CNBD1: variants seen among roughly 807,000 people sequenced by gnomAD.
CNBD1 encodes cyclic nucleotide binding domain containing 1, also known as cyclic nucleotide-binding domain-containing protein 1.
In CNBD1, 71 loss-of-function variants were observed where a neutral mutation model predicts 54.4. The ratio of observed to expected loss-of-function variants is 1.30; its 90% confidence interval spans 1.08 to 1.59. CNBD1 has a LOEUF of 1.59. Ranked by LOEUF, CNBD1 falls within the 40% of genes most tolerant of loss-of-function variation. The probability of loss-of-function intolerance (pLI) is 0.00; values close to 1 mark genes in which losing one functional copy is unlikely to be tolerated. For missense variants in CNBD1, 659 were observed against 518.0 expected (o/e 1.27, Z -2.64); for synonymous variants, 182 against 170.7 (o/e 1.07, Z -0.51).
chr8:86,979,266 A>G (rs886185934), intron 4 of CNBD1, among the ~76,000 whole-genome samples: 4 of 151,930 alleles, frequency 2.6e-5, no homozygotes, highest in Non-Finnish European at 4.4e-5. Flanking sequence ...AATAAAGACT[A>G]TAATAAATAA....
intron 4 of CNBD1, among the ~76,000 whole-genome samples, chr8:86,996,634 C>T (rs1808875538): frequency 6.6e-6 from 1 of 152,102 alleles, no homozygotes; most frequent in African/African-American, 2.4e-5. Flanking sequence ...AGTGTTCTGT[C>T]TTAAATAGTG....
chr8:87,130,461 A>AT (rs1178978706), intron 4 of CNBD1, among the ~76,000 whole-genome samples: 2 of 151,780 alleles, frequency 1.3e-5, no homozygotes, highest in African/African-American at 2.4e-5. Flanking sequence ...GTCCTTTCTC[A>AT]TTTTTTCTGG....
chr8:87,088,015 A>C (rs1811136390), intron 4 of CNBD1, among the ~76,000 whole-genome samples: 1 of 152,222 alleles, frequency 6.6e-6, no homozygotes, highest in Non-Finnish European at 1.5e-5. Flanking sequence ...GCTTATATGC[A>C]CATAAAGTCA....
chr8:87,383,275 T>C (rs78565709), downstream of CNBD1, among the ~76,000 whole-genome samples: 2,867 of 152,186 alleles, frequency 0.019, 91 homozygotes, highest in African/African-American at 0.062. Context: ...TGCTTCATAT[T>C]GTAGTATAGT....
intron 6 of CNBD1, among the ~76,000 whole-genome samples, chr8:87,237,582 A>T (rs552423647): frequency 6.6e-6 from 1 of 152,158 alleles, no homozygotes; most frequent in Non-Finnish European, 1.5e-5. Flanking sequence ...AATCTTTTGC[A>T]TCTATATAAT....
chr8:87,316,379 G>A (rs1809386600), intron 8 of CNBD1, among the ~76,000 whole-genome samples: 1 of 151,952 alleles, frequency 6.6e-6, no homozygotes, highest in South Asian at 2.1e-4. Flanking sequence ...TTATCACACT[G>A]GCAAATTTTT....
At position 86,994,748 on chromosome 8, in the gene CNBD1, G is replaced by A. The variant is rs151160270; in HGVS notation, c.431+54994G>A. ...GCCTCAATGTGTGTGTCGCTTCTCC[G>A]TCAACTCTCGGTGTTTTCTGTCTGA... On this transcript the variant is annotated intron_variant, in intron 4 of 10. Transcript: ENST00000518476. Among the ~76,000 whole-genome samples, 18 of 151,918 alleles carry A rather than the reference G, an allele frequency of 1.2e-4. 1 individual carries two copies. Among genetic ancestry groups the A allele is most frequent in the Admixed American group, 7.2e-4 (11 of 15,254 alleles).
intron 5 of CNBD1, among the ~76,000 whole-genome samples, chr8:87,217,236 T>C (rs1337208361): frequency 6.6e-6 from 1 of 152,140 alleles, no homozygotes; most frequent in Non-Finnish European, 1.5e-5. Context: ...ACATTATAAA[T>C]AGACCAAAAG....
chr8:87,302,097 C>T (rs1263564413), intron 8 of CNBD1, among the ~76,000 whole-genome samples: 1 of 152,070 alleles, frequency 6.6e-6, no homozygotes, highest in African/African-American at 2.4e-5. Context: ...GAAACTATTC[C>T]AATCAATAGA....
At chr8:87,426,185 G>A (rs867525749) in intron 2 of CNBD1, among the ~76,000 whole-genome samples, 6 of 152,250 alleles carry the variant, frequency 3.9e-5, no homozygotes, top group East Asian at 1.9e-4. Flanking sequence ...GCTGGCGCAC[G>A]GTGCGCGCAC....
intron 4 of CNBD1, among the ~76,000 whole-genome samples, chr8:86,970,043 A>T (rs372175890): frequency 6.6e-6 from 1 of 151,328 alleles, no homozygotes; most frequent in Non-Finnish European, 1.5e-5. Context: ...TTTTCTTTTC[A>T]TTCTTGAATG....
chr8:87,313,322 T>C (rs1809308644), intron 8 of CNBD1, among the ~76,000 whole-genome samples: 3 of 152,014 alleles, frequency 2.0e-5, no homozygotes, highest in African/African-American at 7.2e-5. Context: ...GGAGTTACTA[T>C]CCAAGAAGAA....
intron 10 of CNBD1, among the ~76,000 whole-genome samples, chr8:87,380,006 A>T (rs1811041718): frequency 6.7e-6 from 1 of 149,922 alleles, no homozygotes; most frequent in African/African-American, 2.5e-5. Context: ...GACATCATCC[A>T]CTGGTGCCAC....
At chr8:87,307,345 G>A (rs1012298570) in intron 8 of CNBD1, among the ~76,000 whole-genome samples, 1 of 152,194 alleles carries the variant, frequency 6.6e-6, no homozygotes, top group Non-Finnish European at 1.5e-5. Flanking sequence ...GTATTTAATG[G>A]GACATAGGCA....
At chr8:87,229,274 C>T (rs975975371) in intron 5 of CNBD1, among the ~76,000 whole-genome samples, 11 of 152,108 alleles carry the variant, frequency 7.2e-5, no homozygotes, top group Admixed American at 2.0e-4. Context: ...TGGCTCCTCC[C>T]CCCGATTTTT....
intron 2 of CNBD1, among the ~76,000 whole-genome samples, chr8:87,389,627 C>G (rs574073337): frequency 1.1e-4 from 17 of 152,116 alleles, no homozygotes; most frequent in Non-Finnish European, 2.4e-4. Context: ...GAAGAACATT[C>G]CATGCCCATG....
At chr8:87,020,788 A>G (rs977749487) in intron 4 of CNBD1, among the ~76,000 whole-genome samples, 10 of 152,144 alleles carry the variant, frequency 6.6e-5, no homozygotes, top group African/African-American at 2.2e-4. Flanking sequence ...CCTTTGTTTT[A>G]TTTCCTTCCT....
At chr8:87,337,821 C>T (rs1809979503) in intron 8 of CNBD1, among the ~76,000 whole-genome samples, 1 of 152,156 alleles carries the variant, frequency 6.6e-6, no homozygotes, top group Non-Finnish European at 1.5e-5. Flanking sequence ...ATGACAGAAC[C>T]TGAATACCTC....
chr8:86,872,671 T>A (rs1270489238), intron 1 of CNBD1, among the ~76,000 whole-genome samples: 1 of 152,224 alleles, frequency 6.6e-6, no homozygotes, highest in Admixed American at 6.5e-5. Context: ...TGTATTTCCC[T>A]GATGATTAGA....
Sources: allele counts gnomAD v4.1 joint callset (sites outside exome capture counted in the v4.1 genomes callset), GRCh38; gene constraint gnomAD v4.1.1; transcripts MANE v1.5; gene names NCBI Gene and HGNC (gene_info 2026-07-23, HGNC 2026-07-21).